POLN: variants seen among roughly 807,000 people sequenced by gnomAD.
POLN encodes the protein DNA polymerase nu.
POLN carries 108 observed loss-of-function variants against 113.5 expected under a neutral mutation model. The ratio of observed to expected loss-of-function variants is 0.95; its 90% CI spans 0.81 to 1.12. The LOEUF (loss-of-function observed/expected upper bound fraction) is 1.12, where lower values mean the gene tolerates loss of function less well. POLN is among the 50% of genes most tolerant of loss of function. The probability of loss-of-function intolerance (pLI) is 0.00; values close to 1 mark genes in which losing one functional copy is unlikely to be tolerated. For synonymous variants in POLN, 386 were observed against 391.5 expected, an observed-to-expected ratio of 0.99 and a Z score of 0.17; for missense variants, 1,097 against 1,077.1, an observed-to-expected ratio of 1.02 and a Z score of -0.26.
At chr4:2,186,550 T>C (rs1212376984) in intron 7 of POLN, among the ~76,000 whole-genome samples, 1 of 152,126 alleles carries the variant, frequency 6.6e-6, no homozygotes, top group Non-Finnish European at 1.5e-5. Context: ...AGGTGCCACC[T>C]AGTGCTGAAA....
At position 2,179,447 on chromosome 4, in the gene POLN, A is replaced by G. The variant is rs940273124; in HGVS notation, c.1040T>C (p.Leu347Pro). The G allele has an allele frequency of 1.2e-6, 2 of 1,613,494 alleles. No homozygotes were observed. The highest frequency in any genetic ancestry group is 2.7e-5 in the African/African-American group (2 of 75,046). The change falls in exon 8 of 26, where the codon CTA becomes CCA. Residue 347 changes from leucine (L) to proline (P), a missense_variant. Physicochemically the swap from Leu to Pro is moderately conservative, Grantham distance 98. Coordinates refer to ENST00000511885, the MANE Select transcript of POLN (RefSeq NM_181808.4). ...AAGCCATGCAGCAATTCTGGGATCT[A>G]GCCCTATAAAATCAGCAACTGAAGA... The part of the protein sequence containing the change: ...SWKHVADFIG[L>P]DPRIAAWLID...
intron 7 of POLN, among the ~76,000 whole-genome samples, chr4:2,182,234 T>G (rs1457876735): frequency 6.6e-6 from 1 of 152,170 alleles, no homozygotes; most frequent in African/African-American, 2.4e-5. Context: ...AATCTCAGAA[T>G]GGGAACTTAT....
intron 7 of POLN, among the ~76,000 whole-genome samples, chr4:2,188,442 T>C (rs192533323): frequency 1.3e-5 from 2 of 151,632 alleles, no homozygotes; most frequent in South Asian, 2.1e-4. Flanking sequence ...CTACTAAAAA[T>C]ACAAAAAAAT....
intron 7 of POLN, among the ~76,000 whole-genome samples, chr4:2,191,885 C>T (rs929188409): frequency 4.0e-5 from 6 of 151,844 alleles, no homozygotes; most frequent in African/African-American, 4.8e-5. Context: ...GAGGCCGAGG[C>T]GGGGAGATCA....
chr4:2,200,918 G>A (rs1733693520), intron 5 of POLN, among the ~76,000 whole-genome samples: 1 of 152,206 alleles, frequency 6.6e-6, no homozygotes, highest in Middle Eastern at 3.4e-3. Flanking sequence ...AAGTTAATCA[G>A]GGAGTCACCA....
chr4:2,123,554 G>A (rs1471175606), intron 19 of POLN, among the ~76,000 whole-genome samples: 1 of 149,136 alleles, frequency 6.7e-6, no homozygotes, highest in East Asian at 2.0e-4. Flanking sequence ...GATCCTGGGA[G>A]ACGGAGGTTG....
At chr4:2,198,045 C>T (rs892629513) in intron 6 of POLN, among the ~76,000 whole-genome samples, 2 of 152,166 alleles carry the variant, frequency 1.3e-5, no homozygotes, top group African/African-American at 4.8e-5. Flanking sequence ...CTAAGAGGGC[C>T]GGTCCAAAGA....
At chr4:2,209,284 A>T (rs1733931417) in intron 4 of POLN, among the ~76,000 whole-genome samples, 1 of 151,986 alleles carries the variant, frequency 6.6e-6, no homozygotes, top group South Asian at 2.1e-4. Context: ...GTTCGAGACC[A>T]TCCTGACCAA....
chr4:2,081,548 G>T, intron 22 of POLN, 85 bp downstream of exon 22: 1 of 1,290,526 alleles, frequency 7.7e-7, no homozygotes, highest in East Asian at 2.4e-5. Flanking sequence ...CCGCAACAGT[G>T]ATCGGTGGGT....
intron 16 of POLN, among the ~76,000 whole-genome samples, chr4:2,144,058 A>G (rs951181600): frequency 5.9e-5 from 9 of 151,838 alleles, no homozygotes; most frequent in African/African-American, 1.9e-4. Flanking sequence ...TGATTTAAAT[A>G]TATGATTTTG....
chr4:2,142,818 GT>G (rs909679546), intron 16 of POLN, among the ~76,000 whole-genome samples: 8 of 151,264 alleles, frequency 5.3e-5, no homozygotes, highest in East Asian at 3.9e-4. Flanking sequence ...CGTGATTGTG[GT>G]TTTTTTTTAA....
At chr4:2,096,356 C>T (rs1368181649) in intron 19 of POLN, among the ~76,000 whole-genome samples, 1 of 152,184 alleles carries the variant, frequency 6.6e-6, no homozygotes, top group East Asian at 1.9e-4. Context: ...ACAACTCTGT[C>T]CTGGCCTCCC....
intron 6 of POLN, among the ~76,000 whole-genome samples, chr4:2,195,119 A>C (rs562249942): frequency 6.6e-6 from 1 of 152,228 alleles, no homozygotes; most frequent in South Asian, 2.1e-4. Context: ...TTTGTGCAAA[A>C]AAGTATGTGT....
Position 2,171,136 on chromosome 4 carries a change from C to G in POLN, c.1420G>C (p.Glu474Gln). 2 of 1,613,770 alleles carry G rather than the reference C, an allele frequency of 1.2e-6. No individual in the cohort carries two copies. Among genetic ancestry groups the G allele is most frequent in the South Asian group, 2.2e-5 (2 of 90,922 alleles). The change falls in exon 12 of 26, where the codon GAA becomes CAA. Residue 474 changes from glutamate (E) to glutamine (Q), a missense_variant. Glu to Gln is a conservative substitution (Grantham distance 29). Coordinates refer to ENST00000511885, the MANE Select transcript of POLN (RefSeq NM_181808.4). ...TTATTGCTCGTTATAAGAAACCGTT[C>G]TCCTGCAACAAAATGAGCTTCTTGC... ...LEQEAHFVAG[E>Q]RFLITSNNQL... is the part of the protein sequence containing the mutation.
At chr4:2,118,948 A>G (rs1731379334) in intron 19 of POLN, among the ~76,000 whole-genome samples, 1 of 152,236 alleles carries the variant, frequency 6.6e-6, no homozygotes, top group Non-Finnish European at 1.5e-5. Flanking sequence ...AGTCTTGCTT[A>G]GGAGTGACAT....
intron 22 of POLN, chr4:2,081,280 G>T: frequency 8.5e-7 from 1 of 1,175,724 alleles, no homozygotes; most frequent in Non-Finnish European, 1.2e-6. Context: ...ACCCCTGCCA[G>T]GCATGCATGG....
At chr4:2,156,414 C>T (rs867095922) in intron 16 of POLN, 2 of 454,536 alleles carry the variant, frequency 4.4e-6, no homozygotes, top group South Asian at 3.1e-5. Flanking sequence ...ACAGCTTCAA[C>T]AACCACCAAA....
chr4:2,163,821 T>C (rs1320072324), intron 13 of POLN, among the ~76,000 whole-genome samples: 4 of 152,234 alleles, frequency 2.6e-5, no homozygotes, highest in African/African-American at 4.8e-5. Context: ...CAAGTGTGGA[T>C]TCCCAGCATG....
chr4:2,222,208 T>C (rs993135107), intron 3 of POLN, among the ~76,000 whole-genome samples: 1 of 152,120 alleles, frequency 6.6e-6, no homozygotes, highest in Admixed American at 6.6e-5. Context: ...AATATACCAA[T>C]CCAAAGGTTC....
Sources: gnomAD v4.1 joint callset for allele counts (sites outside exome capture counted in the v4.1 genomes callset) on GRCh38, gnomAD v4.1.1 for gene constraint, MANE v1.5 for transcripts, NCBI Gene and HGNC (gene_info 2026-07-23, HGNC 2026-07-21) for gene names.